Variants in ANLN observed in about 807,000 individuals in gnomAD.
The protein encoded by ANLN is anillin.
In ANLN, 59 loss-of-function variants were observed where a neutral mutation model predicts 135.1. The ratio of observed to expected loss-of-function variants is 0.44; its 90% confidence interval spans 0.35 to 0.54. The LOEUF (loss-of-function observed/expected upper bound fraction) is 0.54, where lower values mean the gene tolerates loss of function less well. Among genes scored for constraint, ANLN ranks in the 20% least tolerant of loss-of-function variants. ANLN has a pLI of 0.00. For missense variants in ANLN, 1,182 were observed against 1,340.0 expected (o/e 0.88, Z 1.84); for synonymous variants, 406 against 456.4 (o/e 0.89, Z 1.41).
chr7:36,429,266 G>C (rs1788215409), intron 20 of ANLN, among the ~76,000 whole-genome samples: 1 of 151,998 alleles, frequency 6.6e-6, no homozygotes. Context: ...TGTCACCCAA[G>C]CTGGAGTGCA....
At chr7:36,420,441 G>C in intron 11 of ANLN, 127 bp downstream of exon 11, 1 of 1,336,762 alleles carries the variant, frequency 7.5e-7, no homozygotes, top group Non-Finnish European at 1.0e-6. Flanking sequence ...AATAACTTTT[G>C]TTAGCCTCTC....
chr7:36,410,412 C>G, intron 5 of ANLN, 102 bp from the exon 6 acceptor site: 1 of 1,009,968 alleles, frequency 9.9e-7, no homozygotes, highest in Non-Finnish European at 1.4e-6. Flanking sequence ...CTGATAGAAT[C>G]AAAGCATTTT....
intron 20 of ANLN, among the ~76,000 whole-genome samples, chr7:36,431,100 T>C (rs1322656881): frequency 1.3e-5 from 2 of 152,142 alleles, no homozygotes; most frequent in East Asian, 3.8e-4. Context: ...GCATGCTCTG[T>C]GCTAAACAAT....
At chr7:36,414,369 G>T (rs777632860) in intron 7 of ANLN, among the ~76,000 whole-genome samples, 14 of 152,190 alleles carry the variant, frequency 9.2e-5, no homozygotes, top group Admixed American at 3.9e-4. Flanking sequence ...TTGATGGGAT[G>T]AGGTGAGAAT....
chr7:36,446,292 A>G (rs1021798274), intron 22 of ANLN, among the ~76,000 whole-genome samples: 4 of 152,034 alleles, frequency 2.6e-5, no homozygotes, highest in Non-Finnish European at 5.9e-5. Flanking sequence ...TTCACATTTA[A>G]TTTCCCTAGA....
rs781415619 is a variant in ANLN, at chr7:36,399,074, T to C, written c.173-5T>C. 3.2e-6 allele frequency: 5 copies of C among 1,582,342 alleles called. No homozygotes were observed. In the Admixed American group the frequency reaches 5.5e-5, roughly 18 times the overall value. ...GAATGTCTTTTTTCATCGTTTTTAA[T>C]GTAGAGAAATCTTGTACAAAACCAT... On this transcript the variant is annotated splice_region_variant and splice_polypyrimidine_tract_variant and intron_variant, in intron 2 of 23. Coordinates refer to ENST00000265748, the MANE Select transcript of ANLN (RefSeq NM_018685.5).
chr7:36,424,509 T>A (rs538943670), intron 15 of ANLN, 36 bp from the exon 16 acceptor site: 2 of 1,538,956 alleles, frequency 1.3e-6, no homozygotes, highest in East Asian at 4.5e-5. Context: ...ATTGAGGTTT[T>A]CTCTCAAGGT....
At chr7:36,449,118 A>G (rs1583665540) in intron 22 of ANLN, 1 of 152,362 alleles carries the variant, frequency 6.6e-6, no homozygotes, top group South Asian at 2.1e-4. Context: ...GTGTGCCTAT[A>G]TGTGTTTCTT....
In ANLN at chr7:36,449,656, T is replaced by A; in HGVS notation, c.3079-9T>A. On this transcript the variant is annotated splice_polypyrimidine_tract_variant and intron_variant, in intron 22 of 23. Transcript: ENST00000265748. ...TTTTCTACTAATTTCTCTTAATTTGTTTTTAAAGAATCCCATAGGAAGGAT... is the reference window on the plus strand; with the variant it reads ...TTTTCTACTAATTTCTCTTAATTTGATTTTAAAGAATCCCATAGGAAGGAT... 1 of 1,601,442 alleles carries A rather than the reference T, an allele frequency of 6.2e-7. No individual in the cohort carries two copies. Among genetic ancestry groups the A allele is most frequent in the Non-Finnish European group, 8.5e-7 (1 of 1,173,510 alleles).
chr7:36,452,565 C>A lies in ANLN; in HGVS notation c.3340C>A (p.Pro1114Thr), dbSNP rs779494539. Reference protein sequence around the residue: ...QVLVDIRLWQPDACYKPIGKP With the variant: ...QVLVDIRLWQTDACYKPIGKP ...TCTTGTTGATATTCGCCTCTGGCAA[C>A]CTGATGCTTGCTACAAACCTATTGG... The change falls in exon 24 of 24, where the codon CCT becomes ACT. Residue 1114 changes from proline (P) to threonine (T), a missense_variant. Physicochemically the swap from Pro to Thr is conservative, Grantham distance 38. Around this residue, in one of 3 missense-constraint regions of ANLN, gnomAD observed 78 missense variants for 72.7 expected, o/e 1.07. Coordinates refer to ENST00000265748, the MANE Select transcript of ANLN (RefSeq NM_018685.5). 1 of 1,614,000 alleles carries A rather than the reference C, an allele frequency of 6.2e-7. No homozygotes were observed. Among genetic ancestry groups the A allele is most frequent in the Admixed American group, 1.7e-5 (1 of 60,020 alleles).
At chr7:36,440,061 A>C (rs1488947649) in intron 21 of ANLN, among the ~76,000 whole-genome samples, 1 of 152,218 alleles carries the variant, frequency 6.6e-6, no homozygotes, top group East Asian at 1.9e-4. Flanking sequence ...GGAAATTTTA[A>C]TGAGTTAAGT....
At chr7:36,407,984 T>C (rs1224044948) in intron 5 of ANLN, 28 bp downstream of exon 5, 25 of 1,520,286 alleles carry the variant, frequency 1.6e-5, no homozygotes, top group Non-Finnish European at 2.0e-5. Context: ...AATTTAGTTA[T>C]TGCTGATTAT....
At chr7:36,429,049 G>A (rs1379930485) in intron 20 of ANLN, among the ~76,000 whole-genome samples, 1 of 152,042 alleles carries the variant, frequency 6.6e-6, no homozygotes, top group Non-Finnish European at 1.5e-5. Context: ...AAAGTGCTGG[G>A]ATTACAGGTG....
At chr7:36,445,683 G>T (rs868335629) in intron 22 of ANLN, among the ~76,000 whole-genome samples, 2 of 152,196 alleles carry the variant, frequency 1.3e-5, no homozygotes, top group African/African-American at 4.8e-5. Flanking sequence ...CAGCCCACAT[G>T]CAGGAAGATT....
Position 36,406,569 on chromosome 7 carries a change from A to G in ANLN, c.873+3A>G. On this transcript the variant is annotated splice_donor_region_variant and intron_variant, in intron 4 of 23. Transcript: ENST00000265748. Reference sequence around the variant, plus strand: ...ATGCCTCAATTTCCAGCTCTGTGGTAAGTCAGTATCATTTTGGTCTTTGGA... The same window carrying G: ...ATGCCTCAATTTCCAGCTCTGTGGTGAGTCAGTATCATTTTGGTCTTTGGA... 6.7e-7 allele frequency: 1 copy of G among 1,494,240 alleles called. No individual in the cohort carries two copies. Among genetic ancestry groups the G allele is most frequent in the South Asian group, 1.4e-5 (1 of 71,604 alleles). The allele number at this position is 1,494,240 out of a possible 1,614,324, so 92.6% of individuals were successfully genotyped here.
Position 36,422,008 on chromosome 7 carries a change from CTGAAAG to C in ANLN, c.2299+17_2299+22del. The stretch of plus-strand genomic sequence containing the variant: ...CTAATTGCAAGTAAGTGTGATGCAC[CTGAAAG>C]AGTTCCAACAAATTTCTAACCAGGG... On this transcript the variant is annotated intron_variant, in intron 13 of 23. Transcript: ENST00000265748. 1 of 1,600,276 alleles carries C rather than the reference CTGAAAG, an allele frequency of 6.2e-7. No individual in the cohort carries two copies. Among genetic ancestry groups the C allele is most frequent in the Non-Finnish European group, 8.5e-7 (1 of 1,176,016 alleles).
chr7:36,417,650 G>A (rs971381742), intron 9 of ANLN, among the ~76,000 whole-genome samples: 1 of 148,568 alleles, frequency 6.7e-6, no homozygotes, highest in Non-Finnish European at 1.5e-5. Context: ...AGTTGCAAGT[G>A]CAAGTCCAGG....
At chr7:36,427,160 A>G in intron 20 of ANLN, 132 bp downstream of exon 20, 1 of 530,742 alleles carries the variant, frequency 1.9e-6, no homozygotes, top group South Asian at 3.3e-5. Context: ...AGAATTGCAC[A>G]TTTTTGCTAG....
rs1166981922 is a variant in ANLN at position 36,453,254 on chromosome 7, C to T, written c.*654C>T. ...CACATGGTTTACATTTACTCAGCTA[C>T]TATATATGCAGTGTGGTGCACATTT... On this transcript the variant is annotated 3_prime_UTR_variant, in exon 24 of 24. Coordinates refer to ENST00000265748, the MANE Select transcript of ANLN (RefSeq NM_018685.5). The T allele has an allele frequency of 6.6e-6, 1 of 152,190 alleles. No homozygotes were observed. 9.4% of individuals were successfully genotyped at this position (152,190 alleles called of 1,614,324 possible).
Sources: allele counts gnomAD v4.1 joint callset (sites outside exome capture counted in the v4.1 genomes callset), GRCh38; gene constraint gnomAD v4.1.1; regional missense constraint gnomAD v4.1.1; transcripts MANE v1.5; gene names NCBI Gene and HGNC (gene_info 2026-07-23, HGNC 2026-07-21).